The following GRIN2B variants were observed in gnomAD, a reference collection of about 807,000 sequenced individuals.
GRIN2B encodes glutamate receptor ionotropic, NMDA 2B.
A neutral mutation model predicts 114.5 loss-of-function variants in GRIN2B; 5 were observed. That is an observed-to-expected ratio of 0.04 (90% CI 0.02 to 0.09). The LOEUF (loss-of-function observed/expected upper bound fraction) is 0.09. Among genes scored for constraint, GRIN2B ranks in the 10% least tolerant of loss-of-function variants. GRIN2B has a pLI of 1.00. For missense variants in GRIN2B, 1,108 were observed against 1,943.5 expected, an observed-to-expected ratio of 0.57 and a Z score of 8.08; for synonymous variants, 787 against 745.1, an observed-to-expected ratio of 1.06 and a Z score of -0.92.
chr12:13,900,347 C>T (rs1228236513), intron 2 of GRIN2B, among the ~76,000 whole-genome samples: 3 of 151,728 alleles, frequency 2.0e-5, no homozygotes, highest in African/African-American at 7.3e-5. Flanking sequence ...TGGTGGTGGA[C>T]GCCTATAATC....
chr12:13,689,456 C>G (rs1950197271), intron 4 of GRIN2B, among the ~76,000 whole-genome samples: 1 of 152,108 alleles, frequency 6.6e-6, no homozygotes, highest in Non-Finnish European at 1.5e-5. Context: ...CCCAATCCAT[C>G]CTCCAAAACT....
intron 3 of GRIN2B, among the ~76,000 whole-genome samples, chr12:13,856,914 C>A (rs1865671546): frequency 6.6e-6 from 1 of 152,172 alleles, no homozygotes; most frequent in Non-Finnish European, 1.5e-5. Flanking sequence ...ACATTTCCAC[C>A]TATATGACCC....
chr12:13,768,951 G>A (rs1409448840), intron 3 of GRIN2B, among the ~76,000 whole-genome samples: 1 of 152,106 alleles, frequency 6.6e-6, no homozygotes, highest in Non-Finnish European at 1.5e-5. Flanking sequence ...GGAGAATGGT[G>A]TGAACCCGGG....
chr12:13,764,032 G>A lies in GRIN2B; in HGVS notation c.412-10117C>T, dbSNP rs543502843. On this transcript the variant is annotated intron_variant, in intron 3 of 13. Coordinates refer to ENST00000609686, the MANE Select transcript of GRIN2B (RefSeq NM_000834.5). ...CTCTAACTTTCCTGGGAATAGACAC[G>A]TGAAGTTTCATTGAGAGTGCAATAC... Among the ~76,000 whole-genome samples the A allele has an allele frequency of 4.9e-4, 74 of 152,148 alleles. 1 individual carries two copies. Among genetic ancestry groups the A allele is most frequent in the African/African-American group, 1.3e-3 (55 of 41,496 alleles).
At chr12:13,845,281 C>G (rs1865450293) in intron 3 of GRIN2B, among the ~76,000 whole-genome samples, 1 of 152,162 alleles carries the variant, frequency 6.6e-6, no homozygotes, top group Non-Finnish European at 1.5e-5. Context: ...CTACTATATA[C>G]AGCCCCAAAT....
chr12:13,957,093 C>T (rs1165762292), intron 2 of GRIN2B, among the ~76,000 whole-genome samples: 1 of 151,922 alleles, frequency 6.6e-6, no homozygotes, highest in African/African-American at 2.4e-5. Flanking sequence ...AGAAAGAAAC[C>T]AGCAAAGACA....
At chr12:13,902,046 T>C (rs535786183) in intron 2 of GRIN2B, among the ~76,000 whole-genome samples, 4 of 152,280 alleles carry the variant, frequency 2.6e-5, no homozygotes, top group African/African-American at 9.6e-5. Context: ...TTCTATTCCA[T>C]TTCATTGATA....
chr12:13,742,069 C>G (rs1346981326), intron 4 of GRIN2B, among the ~76,000 whole-genome samples: 1 of 152,192 alleles, frequency 6.6e-6, no homozygotes, highest in African/African-American at 2.4e-5. Context: ...ACAGAGTTCT[C>G]TGACTTTTTA....
chr12:13,676,661 G>A (rs1209811865), intron 4 of GRIN2B, among the ~76,000 whole-genome samples: 2 of 152,114 alleles, frequency 1.3e-5, no homozygotes, highest in African/African-American at 2.4e-5. Context: ...ACAACTTTCT[G>A]CTAACAGAGG....
At chr12:13,810,498 G>A (rs551866984) in intron 3 of GRIN2B, among the ~76,000 whole-genome samples, 9 of 152,186 alleles carry the variant, frequency 5.9e-5, no homozygotes, top group African/African-American at 2.2e-4. Context: ...TGTTGATTGG[G>A]TGTAGTTTTG....
At chr12:13,715,025 A>G (rs1317839635) in intron 4 of GRIN2B, among the ~76,000 whole-genome samples, 1 of 151,898 alleles carries the variant, frequency 6.6e-6, no homozygotes, top group Non-Finnish European at 1.5e-5. Flanking sequence ...TGCTTCTCGT[A>G]GTTCTTAGCG....
intron 3 of GRIN2B, among the ~76,000 whole-genome samples, chr12:13,766,167 G>GTGT (rs1863782182): frequency 6.6e-6 from 1 of 152,158 alleles, no homozygotes; most frequent in African/African-American, 2.4e-5. Flanking sequence ...TTTATTAAAT[G>GTGT]CTTATCAGGT....
At chr12:13,836,725 G>C (rs1342432617) in intron 3 of GRIN2B, among the ~76,000 whole-genome samples, 1 of 151,724 alleles carries the variant, frequency 6.6e-6, no homozygotes, top group Non-Finnish European at 1.5e-5. Context: ...TTTCTCTTCT[G>C]TTGGGACCTG....
chr12:13,767,900 G>C (rs754367988), intron 3 of GRIN2B, among the ~76,000 whole-genome samples: 1 of 152,052 alleles, frequency 6.6e-6, no homozygotes, highest in Non-Finnish European at 1.5e-5. Flanking sequence ...TGAAATCTTC[G>C]GTGACGAAGG....
At chr12:13,940,305 T>G (rs986908539) in intron 2 of GRIN2B, among the ~76,000 whole-genome samples, 1 of 152,174 alleles carries the variant, frequency 6.6e-6, no homozygotes, top group African/African-American at 2.4e-5. Context: ...GACTGCTTTA[T>G]GATTTATGGA....
At chr12:13,680,688 C>T (rs1001825891) in intron 4 of GRIN2B, among the ~76,000 whole-genome samples, 13 of 152,024 alleles carry the variant, frequency 8.6e-5, no homozygotes, top group African/African-American at 3.1e-4. Context: ...AGGTGACCTG[C>T]CTGTTCAGGA....
chr12:13,675,108 G>T lies in GRIN2B; in HGVS notation c.1125+637C>A, dbSNP rs574043784. ...CCAGGCAACTTTCTAAATACTTTAC[G>T]TATACTTCATCCTTATACCTGTTGG... On this transcript the variant is annotated intron_variant, in intron 5 of 13. Transcript: ENST00000609686. Among the ~76,000 whole-genome samples, 14 of 152,188 alleles carry T rather than the reference G, an allele frequency of 9.2e-5. No homozygotes were observed. In the South Asian group the frequency reaches 2.9e-3, roughly 32 times the overall value.
At chr12:13,846,932 G>A (rs1490045245) in intron 3 of GRIN2B, among the ~76,000 whole-genome samples, 2 of 152,088 alleles carry the variant, frequency 1.3e-5, no homozygotes, top group South Asian at 2.1e-4. Flanking sequence ...ACCCAGGAGC[G>A]AGAGAGAAAG....
intron 4 of GRIN2B, among the ~76,000 whole-genome samples, chr12:13,684,372 T>A (rs1950158450): frequency 6.6e-6 from 1 of 152,202 alleles, no homozygotes; most frequent in Non-Finnish European, 1.5e-5. Flanking sequence ...CTTAGGGAAC[T>A]AGTGAGGCTG....
Sources: allele counts gnomAD v4.1 joint callset (sites outside exome capture counted in the v4.1 genomes callset), GRCh38; gene constraint gnomAD v4.1.1; transcripts MANE v1.5; gene names NCBI Gene and HGNC (gene_info 2026-07-23, HGNC 2026-07-21).